Variants in TSPAN7 observed in about 807,000 individuals in gnomAD.
TSPAN7 encodes tetraspanin-7.
A neutral mutation model predicts 17.6 loss-of-function variants in TSPAN7; 1 was observed. The ratio of observed to expected loss-of-function variants is 0.06; its 90% CI spans 0.02 to 0.27. The LOEUF is 0.27. Among genes scored for constraint, TSPAN7 ranks in the 10% least tolerant of loss-of-function variants. TSPAN7 has a pLI of 1.00. For missense variants in TSPAN7, 112 were observed against 201.7 expected, an observed-to-expected ratio of 0.56 and a Z score of 2.69; for synonymous variants, 78 against 79.0, an observed-to-expected ratio of 0.99 and a Z score of 0.07.
At chrX:38,603,451 G>T (rs2069357704) in intron 1 of TSPAN7, among the ~76,000 whole-genome samples, 1 of 112,164 alleles carries the variant, frequency 8.9e-6, no homozygotes, top group South Asian at 3.7e-4. Flanking sequence ...ACAAACACTT[G>T]TGTATAAATG....
At chrX:38,663,082 G>T (rs1024101196) in intron 1 of TSPAN7, among the ~76,000 whole-genome samples, 1 of 109,469 alleles carries the variant, frequency 9.1e-6, no homozygotes, top group African/African-American at 3.3e-5. Context: ...AGCACGATTC[G>T]CAATTGCAAA....
intron 1 of TSPAN7, among the ~76,000 whole-genome samples, chrX:38,610,203 A>G (rs1186909991): frequency 9.0e-6 from 1 of 111,629 alleles, no homozygotes; most frequent in Non-Finnish European, 1.9e-5. Flanking sequence ...TTTGTGATCT[A>G]TGGGTATTCA....
intron 1 of TSPAN7, among the ~76,000 whole-genome samples, chrX:38,601,257 G>A (rs1367431597): frequency 1.8e-5 from 2 of 111,372 alleles, no homozygotes; most frequent in Non-Finnish European, 3.8e-5. Flanking sequence ...ATACAGATAG[G>A]ATGATATTAT....
intron 1 of TSPAN7, among the ~76,000 whole-genome samples, chrX:38,605,662 ACTACAAGG>A (rs1176181656): frequency 1.8e-5 from 2 of 109,112 alleles, no homozygotes; most frequent in African/African-American, 3.4e-5. Flanking sequence ...TTCAAACTAT[ACTACAAGG>A]CTACAGTAAC....
intron 1 of TSPAN7, among the ~76,000 whole-genome samples, chrX:38,662,938 C>G (rs1486180025): frequency 9.1e-6 from 1 of 110,297 alleles, no homozygotes; most frequent in African/African-American, 3.3e-5. Flanking sequence ...TGGATGTTTT[C>G]TCTCCCATGC....
intron 1 of TSPAN7, among the ~76,000 whole-genome samples, chrX:38,664,062 T>C (rs752416022): frequency 8.9e-6 from 1 of 112,312 alleles, no homozygotes; most frequent in East Asian, 2.8e-4. Flanking sequence ...TACATTTACA[T>C]TGTGATGTTT....
At chrX:38,613,699 T>G (rs2069434843) in intron 1 of TSPAN7, among the ~76,000 whole-genome samples, 1 of 111,385 alleles carries the variant, frequency 9.0e-6, no homozygotes, top group Non-Finnish European at 1.9e-5. Flanking sequence ...GTGTATTTGG[T>G]CACTTAATGA....
rs189931680 is a variant in TSPAN7, at chrX:38,673,024, T to A, written c.346-1197T>A. 2.9e-3 allele frequency among the ~76,000 whole-genome samples: 320 copies of A among 112,257 alleles called. 4 individuals are homozygous for A. Among genetic ancestry groups the A allele is most frequent in the Admixed American group, 0.024 (250 of 10,607 alleles). ...ACAGCTTAAGTGTAGCGAAATGAGATGACACAGCTGGGTGTGGTAGCCACC... is the reference window on the plus strand; with the variant it reads ...ACAGCTTAAGTGTAGCGAAATGAGAAGACACAGCTGGGTGTGGTAGCCACC... On this transcript the variant is annotated intron_variant, in intron 3 of 7. Transcript: ENST00000378482.
At chrX:38,672,647 G>T (rs772599988) in intron 3 of TSPAN7, among the ~76,000 whole-genome samples, 1 of 111,377 alleles carries the variant, frequency 9.0e-6, no homozygotes, top group South Asian at 3.8e-4. Flanking sequence ...GTTCCTACCT[G>T]AGCCTCTTGT....
chrX:38,643,631 T>G (rs1157062494), intron 1 of TSPAN7, among the ~76,000 whole-genome samples: 7 of 87,024 alleles, frequency 8.0e-5, no homozygotes, highest in African/African-American at 3.2e-4. Flanking sequence ...GGTCAGGAGA[T>G]CAAGACCATC....
chrX:38,646,529 G>A (rs1432179649), intron 1 of TSPAN7, among the ~76,000 whole-genome samples: 1 of 112,072 alleles, frequency 8.9e-6, no homozygotes. Context: ...AAGTGCGTTC[G>A]CAATTACCAT....
intron 1 of TSPAN7, among the ~76,000 whole-genome samples, chrX:38,579,673 G>A (rs2069217214): frequency 9.0e-6 from 1 of 110,818 alleles, no homozygotes; most frequent in Non-Finnish European, 1.9e-5. Flanking sequence ...GTTCCTATTA[G>A]GCATTTAAAT....
intron 1 of TSPAN7, among the ~76,000 whole-genome samples, chrX:38,578,833 G>A (rs773382977): frequency 6.3e-5 from 7 of 111,282 alleles, no homozygotes; most frequent in African/African-American, 1.6e-4. Flanking sequence ...ACATATATAA[G>A]CATATGTGTA....
In TSPAN7 at chrX:38,648,503, G is replaced by C. The variant is rs141535278; in HGVS notation, c.82-17618G>C. On this transcript the variant is annotated intron_variant, in intron 1 of 7. Transcript: ENST00000378482. Reference sequence around the variant, plus strand: ...CTTGCTCTGTTGCCCAGGCTGGAGTGCCATGGCACAATTATGGCTCACTGT... The same window carrying C: ...CTTGCTCTGTTGCCCAGGCTGGAGTCCCATGGCACAATTATGGCTCACTGT... Among the ~76,000 whole-genome samples, 627 of 112,340 alleles carry C rather than the reference G, an allele frequency of 5.6e-3. 5 individuals carry two copies. The highest frequency in any genetic ancestry group is 0.02 in the African/African-American group (605 of 30,976).
At chrX:38,583,779 G>A (rs766510750) in intron 1 of TSPAN7, among the ~76,000 whole-genome samples, 1 of 110,514 alleles carries the variant, frequency 9.0e-6, no homozygotes, top group South Asian at 4.0e-4. Flanking sequence ...TTGTTAACCT[G>A]ATCGTTCTAG....
At chrX:38,631,480 G>T (rs1047385855) in intron 1 of TSPAN7, among the ~76,000 whole-genome samples, 7 of 111,701 alleles carry the variant, frequency 6.3e-5, no homozygotes, top group Non-Finnish European at 1.3e-4. Context: ...CTTTTATATA[G>T]AAAGTTCCCA....
intron 1 of TSPAN7, chrX:38,646,171 A>T: frequency 1.1e-6 from 1 of 874,587 alleles, no homozygotes; most frequent in Non-Finnish European, 1.5e-6. Context: ...TAAATACATT[A>T]AAACTCTGGA....
intron 1 of TSPAN7, among the ~76,000 whole-genome samples, chrX:38,582,860 T>C (rs1027102411): frequency 8.0e-5 from 9 of 111,836 alleles, no homozygotes; most frequent in African/African-American, 2.9e-4. Flanking sequence ...CTATAAATCC[T>C]AGGTTTTTTC....
rs189795239 is a variant in TSPAN7 at position 38,588,613 on chromosome X, G to A, written c.81+26986G>A. ...ATGTAATCTTGGGATGAATTGTGTC[G>A]CTCTGCATGGTAACCTCAGTATTTC... On this transcript the variant is annotated intron_variant, in intron 1 of 7. Transcript: ENST00000378482. Among the ~76,000 whole-genome samples, 98 of 111,958 alleles carry A rather than the reference G, an allele frequency of 8.8e-4. No individual in the cohort carries two copies. In the East Asian group the frequency reaches 0.022, roughly 25 times the overall value.
Sources: allele counts gnomAD v4.1 joint callset (sites outside exome capture counted in the v4.1 genomes callset), GRCh38; gene constraint gnomAD v4.1.1; transcripts MANE v1.5; gene names NCBI Gene and HGNC (gene_info 2026-07-23, HGNC 2026-07-21).